Variants in SFMBT2 observed in about 807,000 individuals in gnomAD.
SFMBT2 encodes scm-like with four MBT domains protein 2.
Under a neutral mutation model 110.1 loss-of-function variants are expected in SFMBT2, and 38 were observed. That is an observed-to-expected ratio of 0.35 (90% CI 0.27 to 0.45). The LOEUF is 0.45. Among genes scored for constraint, SFMBT2 ranks in the 20% least tolerant of loss-of-function variants. The pLI, the probability that SFMBT2 is intolerant of heterozygous loss-of-function variation, is 1.00. For missense variants in SFMBT2, 1,011 were observed against 1,094.9 expected (o/e 0.92, Z 1.08); for synonymous variants, 425 against 425.4 (o/e 1.00, Z 0.01).
At chr10:7,328,917 G>A (rs1843476799) in intron 4 of SFMBT2, among the ~76,000 whole-genome samples, 1 of 152,200 alleles carries the variant, frequency 6.6e-6, no homozygotes, top group African/African-American at 2.4e-5. Flanking sequence ...GCCTTCCCCA[G>A]TGATTTAAAT....
At chr10:7,304,702 G>C (rs893285567) in intron 4 of SFMBT2, among the ~76,000 whole-genome samples, 3 of 152,188 alleles carry the variant, frequency 2.0e-5, no homozygotes, top group Non-Finnish European at 4.4e-5. Flanking sequence ...GTCCATCAGA[G>C]AGAGAAATTC....
In SFMBT2 at chr10:7,172,002, C is replaced by A; in HGVS notation, c.2308G>T (p.Val770Leu). 1 of 1,562,032 alleles carries A rather than the reference C, an allele frequency of 6.4e-7. No individual in the cohort carries two copies. The change falls in exon 19 of 21, where the codon GTG becomes TTG. Residue 770 changes from valine (V) to leucine (L), a missense_variant. This residue lies in a region of SFMBT2 where 979 missense variants were observed against 1,016.1 expected (regional missense o/e 0.96). Coordinates refer to ENST00000397167, the MANE Select transcript of SFMBT2 (RefSeq NM_001387889.1). This position sits in a 1 kb window ranked among gnomAD's most constrained non-coding sequence, Gnocchi z 4.6. ...AVTLRSGSEPVRRPPPERTRR... is the reference protein window; with the variant it reads ...AVTLRSGSEPLRRPPPERTRR... ...GTCCTCTCTGGGGGTGGCCGGCGCA[C>A]GGGCTCTGAGCCGCTCCGCAGGGTG... is the stretch of plus-strand genomic sequence containing the variant.
intron 11 of SFMBT2, among the ~76,000 whole-genome samples, chr10:7,207,384 GAAA>G (rs1421335495): frequency 4.1e-5 from 6 of 144,958 alleles, no homozygotes; most frequent in African/African-American, 1.0e-4. Context: ...AAGGAAGGAA[GAAA>G]GAAAGAAAGA....
intron 4 of SFMBT2, among the ~76,000 whole-genome samples, chr10:7,323,216 G>A (rs1016886652): frequency 6.6e-6 from 1 of 152,164 alleles, no homozygotes; most frequent in Non-Finnish European, 1.5e-5. Flanking sequence ...CACTTTGGGA[G>A]GCTGAGGCGG....
chr10:7,373,719 C>T (rs1234796701), intron 2 of SFMBT2, among the ~76,000 whole-genome samples: 1 of 152,136 alleles, frequency 6.6e-6, no homozygotes, highest in Non-Finnish European at 1.5e-5. Flanking sequence ...AACCCTGAAA[C>T]AGTCTACAGC....
intron 9 of SFMBT2, among the ~76,000 whole-genome samples, chr10:7,234,217 CA>C (rs1564397957): frequency 6.6e-6 from 1 of 151,926 alleles, no homozygotes; most frequent in African/African-American, 2.4e-5. Flanking sequence ...AGGAAAAAAA[CA>C]AACAAACAAA....
intron 1 of SFMBT2, among the ~76,000 whole-genome samples, chr10:7,401,068 G>A (rs1288979563): frequency 6.6e-6 from 1 of 152,088 alleles, no homozygotes; most frequent in Non-Finnish European, 1.5e-5. Context: ...GGGAAATGGA[G>A]ATTGCAACGA....
At chr10:7,393,846 G>A (rs1845848170) in intron 1 of SFMBT2, among the ~76,000 whole-genome samples, 1 of 152,158 alleles carries the variant, frequency 6.6e-6, no homozygotes, top group Non-Finnish European at 1.5e-5. Context: ...AGAAGATACA[G>A]GGACTTGGTC....
At chr10:7,180,797 C>T (rs973086590) in intron 16 of SFMBT2, among the ~76,000 whole-genome samples, 3 of 152,068 alleles carry the variant, frequency 2.0e-5, no homozygotes, top group South Asian at 2.1e-4. Context: ...ACTGGAGAGA[C>T]GCTGGGGCCT....
At chr10:7,284,529 C>T in intron 5 of SFMBT2, 1 of 533,108 alleles carries the variant, frequency 1.9e-6, no homozygotes, top group Non-Finnish European at 2.5e-6. Context: ...AAACGGTCTA[C>T]TTTTCCAACA....
rs746323538 is a variant in SFMBT2, at chr10:7,200,397, TA to T, written c.1558+16del. On this transcript the variant is annotated intron_variant, in intron 14 of 20. Coordinates refer to ENST00000397167, the MANE Select transcript of SFMBT2 (RefSeq NM_001387889.1). ...ACGGTGGGAAGGCACAGAGACCCCC[TA>T]AATGGGACTGATTACCTGTGGTGTC... 4 of 1,573,616 alleles carry T rather than the reference TA, an allele frequency of 2.5e-6. No homozygotes were observed. Among genetic ancestry groups the T allele is most frequent in the Non-Finnish European group, 3.4e-6 (4 of 1,159,578 alleles).
At chr10:7,211,197 G>C (rs1839338230) in intron 11 of SFMBT2, among the ~76,000 whole-genome samples, 1 of 151,928 alleles carries the variant, frequency 6.6e-6, no homozygotes, top group Non-Finnish European at 1.5e-5. Flanking sequence ...TCTGGGTGGG[G>C]GGTATGTGTC....
intron 17 of SFMBT2, among the ~76,000 whole-genome samples, chr10:7,174,556 A>G (rs1404387831): frequency 6.6e-6 from 1 of 152,212 alleles, no homozygotes; most frequent in Non-Finnish European, 1.5e-5. Context: ...GGGACTTAAG[A>G]GTTTTATTAT....
chr10:7,329,858 T>C (rs932558810), intron 4 of SFMBT2, among the ~76,000 whole-genome samples: 1 of 152,218 alleles, frequency 6.6e-6, no homozygotes, highest in African/African-American at 2.4e-5. Flanking sequence ...CCGAGGTCAC[T>C]CGGGCTGTCC....
rs1036626397 is a variant in SFMBT2, at chr10:7,305,358, C to G, written c.437-19404G>C. ...CTTTTTCCATACATGAACAATAACT[C>G]AGCAGTGTCTCCCTCCCCGAGTTCC... On this transcript the variant is annotated intron_variant, in intron 4 of 20. Coordinates refer to ENST00000397167, the MANE Select transcript of SFMBT2 (RefSeq NM_001387889.1). 1.1e-4 allele frequency among the ~76,000 whole-genome samples: 16 copies of G among 152,272 alleles called. 1 individual carries two copies. The highest frequency in any genetic ancestry group is 2.2e-4 in the Non-Finnish European group (15 of 68,016).
intron 9 of SFMBT2, among the ~76,000 whole-genome samples, chr10:7,232,015 G>A (rs1289199582): frequency 1.3e-5 from 2 of 152,178 alleles, no homozygotes. Flanking sequence ...CCTGGAGGGA[G>A]GGAGGAAAAC....
At chr10:7,353,060 C>T (rs1026751053) in intron 4 of SFMBT2, among the ~76,000 whole-genome samples, 15 of 151,718 alleles carry the variant, frequency 9.9e-5, no homozygotes, top group Non-Finnish European at 1.9e-4. Flanking sequence ...ACACTGGGGG[C>T]CACCACAGAA....
At chr10:7,176,651 TGGGGA>T in intron 16 of SFMBT2, 1 of 279,114 alleles carries the variant, frequency 3.6e-6, no homozygotes, top group Non-Finnish European at 5.4e-6. Flanking sequence ...ATTGTTGAAA[TGGGGA>T]CGATTTCCAT....
At chr10:7,186,402 T>A (rs1377831233) in intron 16 of SFMBT2, among the ~76,000 whole-genome samples, 1 of 148,560 alleles carries the variant, frequency 6.7e-6, no homozygotes, top group Non-Finnish European at 1.5e-5. Flanking sequence ...TACATACATA[T>A]ACACATACAT....
Sources: allele counts gnomAD v4.1 joint callset (sites outside exome capture counted in the v4.1 genomes callset), GRCh38; gene constraint gnomAD v4.1.1; regional missense constraint gnomAD v4.1.1; non-coding constraint Gnocchi (gnomAD v3.1); transcripts MANE v1.5; gene names NCBI Gene and HGNC (gene_info 2026-07-23, HGNC 2026-07-21).